ERG: variants seen among roughly 807,000 people sequenced by gnomAD.
ERG encodes ETS transcription factor ERG, also known as transcriptional regulator ERG.
In ERG, 9 loss-of-function variants were observed where a neutral mutation model predicts 55.3. That is an observed-to-expected ratio of 0.16 (90% CI 0.10 to 0.28). The LOEUF is 0.28. ERG is among the 10% of genes least tolerant of loss of function. The pLI is 1.00. For missense variants in ERG, 434 were observed against 631.6 expected, an observed-to-expected ratio of 0.69 and a Z score of 3.35; for synonymous variants, 223 against 237.3, an observed-to-expected ratio of 0.94 and a Z score of 0.55.
In ERG at chr21:38,478,121, C is replaced by T. The variant is rs145291202; in HGVS notation, c.18+20242G>A. On this transcript the variant is annotated intron_variant, in intron 1 of 9. Transcript: ENST00000288319. ...TCTCACTTATAAGGATGACATATCT[C>T]ACTCATGCTGGACTCCAGACCGGCC... Among the ~76,000 whole-genome samples the T allele has an allele frequency of 1.2e-4, 19 of 152,336 alleles. No homozygotes were observed. The East Asian group carries it at 3.7e-3, about 29-fold the overall frequency.
Position 38,605,424 on chromosome 21 carries a change from G to A in ERG, c.-149-20479C>T, listed in dbSNP as rs539774030. Among the ~76,000 whole-genome samples the A allele has an allele frequency of 3.9e-5, 6 of 152,224 alleles. No homozygotes were observed. The South Asian group carries it at 1.0e-3, about 26-fold the overall frequency. On this transcript the variant is annotated intron_variant, in intron 1 of 10. Transcript: ENST00000398910. ...CAGGCCTTATTCCAATTACAAGCAC[G>A]TTGAAATGCTAGAGAAAATCTAACC...
At chr21:38,586,887 C>T (rs2060068810), upstream of ERG, among the ~76,000 whole-genome samples, 1 of 152,154 alleles carries the variant, frequency 6.6e-6, no homozygotes, top group Non-Finnish European at 1.5e-5. Flanking sequence ...ATGGCATCAA[C>T]CTAAGTGTCC....
At chr21:38,492,224 C>T (rs1397761075) in intron 1 of ERG, among the ~76,000 whole-genome samples, 4 of 152,162 alleles carry the variant, frequency 2.6e-5, no homozygotes, top group Non-Finnish European at 4.4e-5. Context: ...AGCAGCAGTA[C>T]CCAGGCTGCT....
intron 1 of ERG, among the ~76,000 whole-genome samples, chr21:38,632,479 C>A (rs1348558401): frequency 1.3e-5 from 2 of 152,152 alleles, no homozygotes; most frequent in East Asian, 3.9e-4. Context: ...TTGTAATAAT[C>A]CCCACGTGTT....
At chr21:38,449,966 C>T (rs781654673) in intron 1 of ERG, among the ~76,000 whole-genome samples, 2 of 151,864 alleles carry the variant, frequency 1.3e-5, no homozygotes, top group African/African-American at 4.8e-5. Context: ...CTAGGCCTCT[C>T]GAGAATTGGA....
intron 1 of ERG, among the ~76,000 whole-genome samples, chr21:38,633,645 T>C (rs1166016914): frequency 1.3e-5 from 2 of 152,224 alleles, no homozygotes; most frequent in African/African-American, 4.8e-5. Flanking sequence ...GCCTTCTCAA[T>C]TTTCTGTGTT....
intron 2 of ERG, among the ~76,000 whole-genome samples, chr21:38,521,612 C>A (rs892547304): frequency 3.3e-5 from 5 of 152,036 alleles, no homozygotes; most frequent in Non-Finnish European, 5.9e-5. Flanking sequence ...GAGAGAGGAA[C>A]CTGGTACAAG....
At chr21:38,586,585 G>C (rs2060066751), upstream of ERG, among the ~76,000 whole-genome samples, 1 of 152,072 alleles carries the variant, frequency 6.6e-6, no homozygotes, top group Non-Finnish European at 1.5e-5. Flanking sequence ...TGGGGATGTG[G>C]AAAAAGGGAA....
intron 3 of ERG, among the ~76,000 whole-genome samples, chr21:38,411,941 A>C (rs1426861497): frequency 6.6e-6 from 1 of 152,200 alleles, no homozygotes; most frequent in African/African-American, 2.4e-5. Flanking sequence ...TCACTATGTA[A>C]TGACCCTCAA....
chr21:38,384,513 C>G (rs1987600467), intron 9 of ERG, among the ~76,000 whole-genome samples: 1 of 152,236 alleles, frequency 6.6e-6, no homozygotes, highest in Admixed American at 6.5e-5. Context: ...CCATCCATTT[C>G]TGACGTCCTT....
intron 1 of ERG, among the ~76,000 whole-genome samples, chr21:38,494,066 A>T (rs893176300): frequency 6.6e-6 from 1 of 152,230 alleles, no homozygotes; most frequent in Admixed American, 6.5e-5. Flanking sequence ...ACAGGTGACG[A>T]AACTGAGATC....
intron 2 of ERG, among the ~76,000 whole-genome samples, chr21:38,564,289 A>T (rs2059909613): frequency 6.6e-6 from 1 of 151,720 alleles, no homozygotes; most frequent in Non-Finnish European, 1.5e-5. Flanking sequence ...AGAAGTAAAA[A>T]GAAGAATAAA....
intron 1 of ERG, among the ~76,000 whole-genome samples, chr21:38,622,433 C>CA: frequency 6.7e-6 from 1 of 149,906 alleles, no homozygotes; most frequent in South Asian, 2.1e-4. Flanking sequence ...CACACACACA[C>CA]ACCCCCCACA....
At chr21:38,387,358 G>A (rs546942882) in intron 9 of ERG, among the ~76,000 whole-genome samples, 2 of 152,326 alleles carry the variant, frequency 1.3e-5, no homozygotes, top group African/African-American at 4.8e-5. Flanking sequence ...GTCCTGAATG[G>A]AAGTCTCTGC....
At chr21:38,591,690 A>G (rs1036552394) in intron 1 of ERG, among the ~76,000 whole-genome samples, 1 of 152,126 alleles carries the variant, frequency 6.6e-6, no homozygotes, top group African/African-American at 2.4e-5. Flanking sequence ...AGACTCCTCA[A>G]AACAAACCAA....
chr21:38,640,010 A>G (rs2060413986), intron 1 of ERG, among the ~76,000 whole-genome samples: 1 of 152,078 alleles, frequency 6.6e-6, no homozygotes, highest in Admixed American at 6.6e-5. Flanking sequence ...AAACAATAAA[A>G]ACCCTGAGAG....
chr21:38,509,124 C>A (rs1222631227), intron 2 of ERG, among the ~76,000 whole-genome samples: 1 of 152,102 alleles, frequency 6.6e-6, no homozygotes, highest in Non-Finnish European at 1.5e-5. Context: ...CCCAATCAAG[C>A]CCTGGAACCA....
At chr21:38,604,865 T>G (rs2060187269) in intron 1 of ERG, among the ~76,000 whole-genome samples, 1 of 152,248 alleles carries the variant, frequency 6.6e-6, no homozygotes, top group Non-Finnish European at 1.5e-5. Context: ...TGCTGCAAGA[T>G]CTACAAGCCA....
chr21:38,572,034 A>C (rs2059960996), intron 2 of ERG, among the ~76,000 whole-genome samples: 1 of 152,170 alleles, frequency 6.6e-6, no homozygotes, highest in African/African-American at 2.4e-5. Context: ...TTAATACATC[A>C]AAAGGAACCA....
Sources: allele counts gnomAD v4.1 joint callset (sites outside exome capture counted in the v4.1 genomes callset), GRCh38; gene constraint gnomAD v4.1.1; transcripts MANE v1.5; gene names NCBI Gene and HGNC (gene_info 2026-07-23, HGNC 2026-07-21).